RPH3A: variants seen among roughly 807,000 people sequenced by gnomAD.
RPH3A encodes rabphilin 3A, also known as rabphilin-3A.
RPH3A carries 48 observed loss-of-function variants against 102.2 expected under a neutral mutation model. The observed-to-expected ratio is 0.47, with a 90% confidence interval of 0.37 to 0.60. RPH3A has a LOEUF of 0.60. RPH3A is among the 20% of genes least tolerant of loss of function. The pLI is 0.00. For missense variants in RPH3A, 781 were observed against 910.1 expected (o/e 0.86, Z 1.83); for synonymous variants, 310 against 324.3 (o/e 0.96, Z 0.47).
intron 1 of RPH3A, among the ~76,000 whole-genome samples, chr12:112,766,614 C>A (rs925521487): frequency 1.3e-5 from 2 of 152,170 alleles, no homozygotes; most frequent in Non-Finnish European, 2.9e-5. Context: ...CTAGATACTA[C>A]AGTCATGCCT....
At chr12:112,793,189 T>C (rs1449456631) in intron 2 of RPH3A, among the ~76,000 whole-genome samples, 1 of 152,208 alleles carries the variant, frequency 6.6e-6, no homozygotes, top group East Asian at 1.9e-4. Context: ...TACCTTGAAA[T>C]TGAATCCAAA....
intron 17 of RPH3A, among the ~76,000 whole-genome samples, chr12:112,889,010 C>T (rs1484955611): frequency 1.3e-5 from 2 of 152,252 alleles, no homozygotes; most frequent in Non-Finnish European, 2.9e-5. Context: ...GGGCAGCCTG[C>T]CTGCTCTCCA....
At chr12:112,597,795 T>C (rs2039528463) in intron 1 of RPH3A, among the ~76,000 whole-genome samples, 1 of 152,110 alleles carries the variant, frequency 6.6e-6, no homozygotes, top group Admixed American at 6.5e-5. Flanking sequence ...AGAAGTCTCA[T>C]AGTCTCTATA....
chr12:112,685,763 A>T (rs888748093), intron 1 of RPH3A, among the ~76,000 whole-genome samples: 1 of 152,120 alleles, frequency 6.6e-6, no homozygotes, highest in Non-Finnish European at 1.5e-5. Context: ...AGCCACAGTG[A>T]CTTATCTTGC....
At chr12:112,661,000 A>C (rs1236901410) in intron 1 of RPH3A, among the ~76,000 whole-genome samples, 1 of 152,180 alleles carries the variant, frequency 6.6e-6, no homozygotes, top group East Asian at 1.9e-4. Context: ...GTCTGCCTTC[A>C]TTCCATCACG....
At chr12:112,788,553 A>C (rs914535277), upstream of RPH3A, among the ~76,000 whole-genome samples, 6 of 152,206 alleles carry the variant, frequency 3.9e-5, no homozygotes, top group Non-Finnish European at 1.5e-5. Flanking sequence ...TTGTCTGCAA[A>C]TGGGGCAGTA....
intron 4 of RPH3A, among the ~76,000 whole-genome samples, chr12:112,846,458 C>T (rs1385919936): frequency 2.0e-5 from 3 of 152,210 alleles, no homozygotes; most frequent in Non-Finnish European, 4.4e-5. Context: ...CTTCCCTTTT[C>T]CTTCAAACTC....
intron 1 of RPH3A, among the ~76,000 whole-genome samples, chr12:112,661,942 T>A (rs971999953): frequency 2.6e-5 from 4 of 152,138 alleles, no homozygotes; most frequent in Admixed American, 2.0e-4. Context: ...GCTGTACACC[T>A]GAGGTGTTTG....
chr12:112,813,610 G>A (rs1190243119), intron 2 of RPH3A, among the ~76,000 whole-genome samples: 1 of 152,186 alleles, frequency 6.6e-6, no homozygotes, highest in Non-Finnish European at 1.5e-5. Flanking sequence ...GCTAAAATGT[G>A]ATTCGGGAGA....
At chr12:112,577,441 T>C (rs2039367797) in intron 1 of RPH3A, among the ~76,000 whole-genome samples, 1 of 152,196 alleles carries the variant, frequency 6.6e-6, no homozygotes, top group Non-Finnish European at 1.5e-5. Context: ...GTAATTAGCG[T>C]ATAATGAGCA....
chr12:112,604,165 G>C (rs2039577691), intron 1 of RPH3A, among the ~76,000 whole-genome samples: 2 of 152,212 alleles, frequency 1.3e-5, no homozygotes, highest in African/African-American at 4.8e-5. Flanking sequence ...AAGTGGCAGA[G>C]CTGATACCTG....
chr12:112,895,083 A>T (rs2043157781), intron 20 of RPH3A, among the ~76,000 whole-genome samples: 1 of 152,152 alleles, frequency 6.6e-6, no homozygotes, highest in Non-Finnish European at 1.5e-5. Context: ...ATATGTACTC[A>T]GTCCACTTCA....
chr12:112,850,484 T>A (rs140465178), intron 5 of RPH3A, among the ~76,000 whole-genome samples: 1 of 152,138 alleles, frequency 6.6e-6, no homozygotes, highest in Non-Finnish European at 1.5e-5. Context: ...TTGGGCCAAG[T>A]CTTTGGTGAC....
At chr12:112,645,750 T>C (rs1353017896) in intron 1 of RPH3A, among the ~76,000 whole-genome samples, 2 of 152,198 alleles carry the variant, frequency 1.3e-5, no homozygotes, top group Non-Finnish European at 2.9e-5. Flanking sequence ...TCGCTTCTAG[T>C]AGATCTGATT....
At chr12:112,601,468 A>C (rs1422478902) in intron 1 of RPH3A, among the ~76,000 whole-genome samples, 4 of 152,310 alleles carry the variant, frequency 2.6e-5, no homozygotes, top group African/African-American at 9.6e-5. Flanking sequence ...CATGCCACTG[A>C]AAGTGAGTGA....
chr12:112,803,561 T>C (rs1260322537), intron 2 of RPH3A, among the ~76,000 whole-genome samples: 1 of 151,564 alleles, frequency 6.6e-6, no homozygotes. Flanking sequence ...GAGGCCTCAG[T>C]TCCCCCAGTT....
chr12:112,617,483 C>T (rs1036545446), intron 1 of RPH3A, among the ~76,000 whole-genome samples: 3 of 152,162 alleles, frequency 2.0e-5, no homozygotes, highest in African/African-American at 7.2e-5. Flanking sequence ...CTCACCTGTT[C>T]ATTTATTCCC....
chr12:112,840,439 T>C (rs916459501), intron 4 of RPH3A, among the ~76,000 whole-genome samples: 5 of 152,210 alleles, frequency 3.3e-5, no homozygotes, highest in Non-Finnish European at 7.3e-5. Flanking sequence ...CTTCTATCTA[T>C]GAGTATTTTT....
chr12:112,624,398 C>G (rs1275237144), intron 1 of RPH3A, among the ~76,000 whole-genome samples: 1 of 148,400 alleles, frequency 6.7e-6, no homozygotes, highest in Admixed American at 6.7e-5. Flanking sequence ...CACAGAAATA[C>G]AAACTACCAT....
Sources: allele counts gnomAD v4.1 joint callset (sites outside exome capture counted in the v4.1 genomes callset), GRCh38; gene constraint gnomAD v4.1.1; transcripts MANE v1.5; gene names NCBI Gene and HGNC (gene_info 2026-07-23, HGNC 2026-07-21).